DEGS2: variants seen among roughly 807,000 people sequenced by gnomAD.
DEGS2 encodes sphingolipid delta(4)-desaturase/C4-monooxygenase DES2.
A neutral mutation model predicts 23.8 loss-of-function variants in DEGS2; 19 were observed. That is an observed-to-expected ratio of 0.80 (90% CI 0.56 to 1.17). DEGS2 has a LOEUF of 1.17. Ranked by LOEUF, DEGS2 falls within the 50% of genes most tolerant of loss-of-function variation. DEGS2 has a pLI of 0.00. For synonymous variants in DEGS2, 218 were observed against 213.7 expected (o/e 1.02, Z -0.18); for missense variants, 390 against 459.5 (o/e 0.85, Z 1.38).
At chr14:100,147,658 GCCC>G (rs10709140) in intron 2 of DEGS2, among the ~76,000 whole-genome samples, 5 of 81,358 alleles carry the variant, frequency 6.1e-5, no homozygotes, top group South Asian at 4.3e-4. Flanking sequence ...TGCCCTCCCT[GCCC>G]CCCCCCCCCA....
chr14:100,152,997 T>C (rs1305572499), intron 1 of DEGS2, among the ~76,000 whole-genome samples: 7 of 152,098 alleles, frequency 4.6e-5, no homozygotes, highest in East Asian at 3.9e-4. Flanking sequence ...GTGGCTTACA[T>C]TGTAATCTCA....
At chr14:100,162,774 A>C (rs1889764460), upstream of DEGS2, among the ~76,000 whole-genome samples, 2 of 152,186 alleles carry the variant, frequency 1.3e-5, no homozygotes, top group Non-Finnish European at 2.9e-5. Context: ...GTTACCTCTC[A>C]AGAGGGCCCT....
intron 1 of DEGS2, among the ~76,000 whole-genome samples, chr14:100,153,134 T>G (rs1045345272): frequency 5.9e-5 from 9 of 152,204 alleles, no homozygotes; most frequent in Admixed American, 2.6e-4. Flanking sequence ...TGTGTGCCTG[T>G]GGTCCCAGCT....
chr14:100,158,598 T>C (rs1420214511), intron 1 of DEGS2, among the ~76,000 whole-genome samples: 1 of 151,490 alleles, frequency 6.6e-6, no homozygotes, highest in Non-Finnish European at 1.5e-5. Flanking sequence ...ATCAAATAAG[T>C]GCAAATTAAA....
chr14:100,160,199 G>A (rs1273773166), upstream of DEGS2: 2 of 152,236 alleles, frequency 1.3e-5, no homozygotes, highest in African/African-American at 2.4e-5. Flanking sequence ...GAGATAATGC[G>A]TCTGCAGCAA....
intron 1 of DEGS2, among the ~76,000 whole-genome samples, chr14:100,158,601 A>G (rs1269613169): frequency 6.6e-6 from 1 of 152,228 alleles, no homozygotes; most frequent in Non-Finnish European, 1.5e-5. Flanking sequence ...AAATAAGTGC[A>G]AATTAAAGCC....
intron 1 of DEGS2, 54 bp from the exon 2 acceptor site, chr14:100,149,764 C>T: frequency 2.0e-6 from 3 of 1,526,392 alleles, no homozygotes; most frequent in Admixed American, 1.9e-5. Context: ...TGCACCCCGC[C>T]CTCCTCCGCT....
intron 2 of DEGS2, 65 bp from the exon 3 acceptor site, chr14:100,146,972 G>C: frequency 6.4e-7 from 1 of 1,560,300 alleles, no homozygotes; most frequent in Non-Finnish European, 8.7e-7. Context: ...GAGCACACAC[G>C]CAGACACCTG....
At chr14:100,151,379 C>G (rs1048162658) in intron 1 of DEGS2, among the ~76,000 whole-genome samples, 2 of 152,232 alleles carry the variant, frequency 1.3e-5, no homozygotes, top group Non-Finnish European at 1.5e-5. Context: ...CTGGAAGTAA[C>G]TAAAAACTGA....
At position 100,145,462 on chromosome 14, in the gene DEGS2, G is replaced by A. The variant is rs1441056818; in HGVS notation, c.*1299C>T. The A allele has an allele frequency of 2.0e-5, 3 of 152,314 alleles. No homozygotes were observed. Among genetic ancestry groups the A allele is most frequent in the African/African-American group, 7.2e-5 (3 of 41,442 alleles). 9.4% of individuals were successfully genotyped at this position (152,314 alleles called of 1,614,324 possible). A position where few individuals can be genotyped will look rare whatever the true frequency, so the allele number is the denominator to read the frequency against. On this transcript the variant is annotated 3_prime_UTR_variant, in exon 3 of 3. Transcript: ENST00000305631. Reference sequence around the variant, plus strand: ...GGACATGGGAGGCCGGCGCTGTGCGGGGCCACTCCCAGGTATAGGGGGAGA... The same window carrying A: ...GGACATGGGAGGCCGGCGCTGTGCGAGGCCACTCCCAGGTATAGGGGGAGA...
At chr14:100,159,465 CG>C in intron 1 of DEGS2, 40 bp downstream of exon 1, 1 of 1,430,824 alleles carries the variant, frequency 7.0e-7, no homozygotes. Context: ...GACGGGCCAA[CG>C]GGGCGGTCCC....
intron 2 of DEGS2, 82 bp downstream of exon 2, chr14:100,148,886 C>T: frequency 6.8e-7 from 1 of 1,481,288 alleles, no homozygotes; most frequent in Non-Finnish European, 9.1e-7. Context: ...TGGGCATGGC[C>T]CAAGGCCCTT....
chr14:100,147,049 A>G, intron 2 of DEGS2, 142 bp from the exon 3 acceptor site: 6 of 941,644 alleles, frequency 6.4e-6, no homozygotes, highest in Non-Finnish European at 9.5e-6. Flanking sequence ...GCACACCCAC[A>G]CACACACATG....
Position 100,148,986 on chromosome 14 carries a change from C to T in DEGS2, c.807G>A (p.Pro269=), listed in dbSNP as rs771806040. The change falls in exon 2 of 3, where the codon CCG becomes CCA. Residue 269 remains proline, a synonymous_variant. Transcript: ENST00000305631. ...CACATACCAGCGGCAGGTTGTAGCC[C>T]GGGATGCTGGGGAAGTCGTGGTGCT... ...HVEHHDFPSI[P]GYNLPLVRKI... is the part of the protein sequence containing the mutation. 2.1e-5 allele frequency: 34 copies of T among 1,612,154 alleles called. No individual in the cohort carries two copies. The East Asian group carries it at 2.5e-4, about 12-fold the overall frequency.
chr14:100,152,027 C>A (rs1460550758), intron 1 of DEGS2, among the ~76,000 whole-genome samples: 1 of 152,094 alleles, frequency 6.6e-6, no homozygotes, highest in East Asian at 1.9e-4. Flanking sequence ...GGAGTAGTAA[C>A]TGAAGCCAGG....
At chr14:100,150,559 G>C (rs1889553679) in intron 1 of DEGS2, among the ~76,000 whole-genome samples, 2 of 152,140 alleles carry the variant, frequency 1.3e-5, no homozygotes, top group Admixed American at 6.5e-5. Flanking sequence ...GTGCAGGCAA[G>C]CATCAGCCAC....
At chr14:100,151,080 CAG>C (rs1436916143) in intron 1 of DEGS2, among the ~76,000 whole-genome samples, 1 of 152,224 alleles carries the variant, frequency 6.6e-6, no homozygotes. Flanking sequence ...CAACAAGCCT[CAG>C]GGGCCCAACC....
At chr14:100,157,985 G>A (rs1252143932) in intron 1 of DEGS2, among the ~76,000 whole-genome samples, 2 of 150,938 alleles carry the variant, frequency 1.3e-5, no homozygotes, top group Non-Finnish European at 2.9e-5. Context: ...TACTCAGAAG[G>A]CTGAGGCAGG....
the DEGS2 span, among the ~76,000 whole-genome samples, chr14:100,166,815 A>G: frequency 1.3e-5 from 2 of 152,160 alleles, no homozygotes; most frequent in African/African-American, 4.8e-5. Flanking sequence ...AAGCCATTCT[A>G]ACAGGCTTTG....
Sources: gnomAD v4.1 joint callset for allele counts (sites outside exome capture counted in the v4.1 genomes callset) on GRCh38, gnomAD v4.1.1 for gene constraint, MANE v1.5 for transcripts, NCBI Gene and HGNC (gene_info 2026-07-23, HGNC 2026-07-21) for gene names.